CAMKK1: variants seen among roughly 807,000 people sequenced by gnomAD.
The protein encoded by CAMKK1 is calcium/calmodulin dependent protein kinase kinase 1.
A neutral mutation model predicts 63.5 loss-of-function variants in CAMKK1; 20 were observed. That is an observed-to-expected ratio of 0.32 (90% confidence interval 0.22 to 0.46). The LOEUF (loss-of-function observed/expected upper bound fraction) is 0.46. Among genes scored for constraint, CAMKK1 ranks in the 20% least tolerant of loss-of-function variants. The probability of loss-of-function intolerance (pLI) is 1.00; values close to 1 mark genes in which losing one functional copy is unlikely to be tolerated. For synonymous variants in CAMKK1, 253 were observed against 269.0 expected, an observed-to-expected ratio of 0.94 and a Z score of 0.58; for missense variants, 588 against 658.1, an observed-to-expected ratio of 0.89 and a Z score of 1.17.
At chr17:3,886,122 C>T (rs1022757036) in intron 1 of CAMKK1, among the ~76,000 whole-genome samples, 4 of 152,224 alleles carry the variant, frequency 2.6e-5, no homozygotes, top group African/African-American at 9.6e-5. Context: ...TCATGAGTCC[C>T]AACCCTTGAC....
chr17:3,876,065 G>T (rs2055136442), intron 10 of CAMKK1, among the ~76,000 whole-genome samples, 158 bp downstream of exon 10: 1 of 152,178 alleles, frequency 6.6e-6, no homozygotes, highest in Non-Finnish European at 1.5e-5. Flanking sequence ...ACAGGAGAAG[G>T]CCAAAGTTGT....
In CAMKK1 at chr17:3,869,642, G is replaced by C. The variant is rs116805406; in HGVS notation, c.1213-27C>G. 5,596 of 1,613,924 alleles carry C rather than the reference G, an allele frequency of 3.5e-3. 153 individuals are homozygous for C. The African/African-American group carries it at 0.066, about 19-fold the overall frequency. ...TGTCGGGGCCGGGAGGGCAGGGAGA[G>C]GGGGAGAGGTCAGGCCATTACCAGA... On this transcript the variant is annotated intron_variant, in intron 13 of 15. Transcript: ENST00000348335.
In CAMKK1 at chr17:3,862,533, C is replaced by T. The variant is rs1036150569; in HGVS notation, c.1446-250G>A. Among the ~76,000 whole-genome samples the T allele has an allele frequency of 6.6e-6, 1 of 152,158 alleles. No homozygotes were observed. The highest frequency in any genetic ancestry group is 2.4e-5 in the African/African-American group (1 of 41,438). On this transcript the variant is annotated intron_variant, in intron 15 of 15. Transcript: ENST00000348335. The surrounding 1 kb of genome is among the most constrained non-coding windows in gnomAD (Gnocchi z 4.1). ...TTGACCAGAGATGAAGTCTAAACCT[C>T]CCAGCACGGCCTCTGGAGCTGCTCA...
chr17:3,884,716 T>G lies in CAMKK1; in HGVS notation c.361-289A>C, dbSNP rs569614780. 3.5e-4 allele frequency among the ~76,000 whole-genome samples: 53 copies of G among 151,998 alleles called. No homozygotes were observed. The highest frequency in any genetic ancestry group is 1.3e-3 in the African/African-American group (53 of 41,428). ...GCTAATTCCTGTCTGGATTCTGGAGTCTGGAAGACCCTAATCCATGAGAAA... is the reference window on the plus strand; with the variant it reads ...GCTAATTCCTGTCTGGATTCTGGAGGCTGGAAGACCCTAATCCATGAGAAA... On this transcript the variant is annotated intron_variant, in intron 2 of 15. Coordinates refer to ENST00000348335, the MANE Select transcript of CAMKK1 (RefSeq NM_032294.3). The surrounding 1 kb of genome is among the most constrained non-coding windows in gnomAD (Gnocchi z 4.5).
chr17:3,874,815 TAA>T (rs1467333843), intron 10 of CAMKK1, among the ~76,000 whole-genome samples: 8 of 151,766 alleles, frequency 5.3e-5, no homozygotes, highest in Admixed American at 5.3e-4. Flanking sequence ...GACCGATATA[TAA>T]GTCTTATCAA....
chr17:3,870,182 C>T (rs1241372794), intron 12 of CAMKK1, among the ~76,000 whole-genome samples: 2 of 152,062 alleles, frequency 1.3e-5, no homozygotes, highest in African/African-American at 2.4e-5. Flanking sequence ...CTCACCACCT[C>T]GTCCTTTTCT....
rs759266418 is a variant in CAMKK1 at position 3,869,571 on chromosome 17, C to T, written c.1257G>A (p.Ser419=). 1.4e-5 allele frequency: 22 copies of T among 1,614,090 alleles called. No individual in the cohort carries two copies. The highest frequency in any genetic ancestry group is 8.3e-5 in the Admixed American group (5 of 60,004). Residue 419 remains serine, a synonymous_variant, in exon 14 of 16, where the codon TCG becomes TCA. Transcript: ENST00000348335. ...CCACCACGCTGCAGTGCTCCTCCTC[C>T]GAAGGAAGGGGCTCCTCCCCGTTCT... ...VTKNGEEPLP[S]EEEHCSVVEV...
At chr17:3,870,966 C>T (rs559234157) in intron 12 of CAMKK1, among the ~76,000 whole-genome samples, 4 of 152,176 alleles carry the variant, frequency 2.6e-5, no homozygotes, top group African/African-American at 9.6e-5. Context: ...CCCAGACGAG[C>T]GGGTGGCAGA....
rs1180697620 is a variant in CAMKK1 at position 3,862,622 on chromosome 17, T to G, written c.1446-339A>C. On this transcript the variant is annotated intron_variant, in intron 15 of 15. Transcript: ENST00000348335. This position sits in a 1 kb window ranked among gnomAD's most constrained non-coding sequence, Gnocchi z 4.1. Reference sequence around the variant, plus strand: ...TCAGCCTAATCAAGGGCCTTCTCTCTGTGTGTGTGGTTTTGTTGTTGTTTT... The same window carrying G: ...TCAGCCTAATCAAGGGCCTTCTCTCGGTGTGTGTGGTTTTGTTGTTGTTTT... 6.6e-6 allele frequency among the ~76,000 whole-genome samples: 1 copy of G among 152,186 alleles called. No homozygotes were observed.
rs3048767 is a variant in CAMKK1 at position 3,891,109 on chromosome 17, T to TGGGG, written c.-44+1826_-44+1829dup. Among the ~76,000 whole-genome samples the TGGGG allele has an allele frequency of 4.5e-5, 6 of 133,390 alleles. No homozygotes were observed. The East Asian group carries it at 6.9e-4, about 15-fold the overall frequency. The allele number at this position is 133,390 out of a possible 152,430, so 87.5% of individuals were successfully genotyped here. ...AGTGGCCTCAGACTGGGGGCAAGGT[T>TGGGG]GGGGGGGGGGTCACAGGCTAGGGAG... On this transcript the variant is annotated intron_variant, in intron 1 of 15. Transcript: ENST00000348335.
In CAMKK1 at chr17:3,890,259, T is replaced by C. The variant is rs977345088; in HGVS notation, c.-44+2680A>G. Among the ~76,000 whole-genome samples the C allele has an allele frequency of 2.6e-5, 4 of 152,128 alleles. No homozygotes were observed. Among genetic ancestry groups the C allele is most frequent in the Non-Finnish European group, 5.9e-5 (4 of 68,012 alleles). On this transcript the variant is annotated intron_variant, in intron 1 of 15. Transcript: ENST00000348335. This position sits in a 1 kb window ranked among gnomAD's most constrained non-coding sequence, Gnocchi z 6.5. ...GGCCCAGGCGTCTGGTGCCAAGTCA[T>C]GCTTGACGACTCCTGCTGTGAGGAC...
At chr17:3,873,603 G>T in intron 10 of CAMKK1, 141 bp from the exon 11 acceptor site, 2 of 805,702 alleles carry the variant, frequency 2.5e-6, no homozygotes, top group Admixed American at 4.2e-5. Context: ...CGCGGTACTT[G>T]CCCGATGCTG....
Position 3,879,992 on chromosome 17 carries a change from A to G in CAMKK1, c.796+354T>C. The G allele has an allele frequency of 3.5e-6, 1 of 285,898 alleles. No individual in the cohort carries two copies. The highest frequency in any genetic ancestry group is 6.8e-6 in the Non-Finnish European group (1 of 147,556). The allele number at this position is 285,898 out of a possible 1,614,324, so 17.7% of individuals were successfully genotyped here. ...ATGCCCCGGCCCCATGCCAGGACAG[A>G]CTCTCCCCAGCAGCTGGACATAAAT... On this transcript the variant is annotated intron_variant, in intron 9 of 15. Coordinates refer to ENST00000348335, the MANE Select transcript of CAMKK1 (RefSeq NM_032294.3). This position sits in a 1 kb window ranked among gnomAD's most constrained non-coding sequence, Gnocchi z 4.5.
Position 3,885,407 on chromosome 17 carries a change from C to T in CAMKK1, c.281G>A (p.Gly94Glu), listed in dbSNP as rs1268972850. Residue 94 changes from glycine (G) to glutamate (E), a missense_variant, in exon 2 of 16, where the codon GGG becomes GAG. Gly to Glu is a moderately conservative substitution (Grantham distance 98). Around this residue, in one of 3 missense-constraint regions of CAMKK1, gnomAD observed 357 missense variants for 407.4 expected, o/e 0.88. Coordinates refer to ENST00000348335, the MANE Select transcript of CAMKK1 (RefSeq NM_032294.3). ...CCGGGGGGAGATGTGGCTGGCAGGC[C>T]CCGTGGCATAAGGCCCAGCCTGCGC... ...LEAQAGPYAT[G>E]PASHISPRAW... 6.2e-7 allele frequency: 1 copy of T among 1,611,912 alleles called. No homozygotes were observed. The highest frequency in any genetic ancestry group is 8.5e-7 in the Non-Finnish European group (1 of 1,179,584).
chr17:3,875,659 G>T (rs1305896088), intron 10 of CAMKK1, among the ~76,000 whole-genome samples: 1 of 152,110 alleles, frequency 6.6e-6, no homozygotes, highest in African/African-American at 2.4e-5. Flanking sequence ...GGGGTGGCTG[G>T]CACTCCATAG....
chr17:3,862,134 G>T lies in CAMKK1; in HGVS notation c.*77C>A. 2 of 1,239,726 alleles carry T rather than the reference G, an allele frequency of 1.6e-6. No individual in the cohort carries two copies. The highest frequency in any genetic ancestry group is 1.5e-5 in the African/African-American group (1 of 67,444). 76.8% of individuals were successfully genotyped at this position (1,239,726 alleles called of 1,614,324 possible). ...TCCCCAGCCCCCTGCCTGCGGGGGC[G>T]GCTGTTGCATGAGGGGTGGGCCTCT... On this transcript the variant is annotated 3_prime_UTR_variant, in exon 16 of 16. Coordinates refer to ENST00000348335, the MANE Select transcript of CAMKK1 (RefSeq NM_032294.3). The surrounding 1 kb of genome is among the most constrained non-coding windows in gnomAD (Gnocchi z 4.1).
chr17:3,886,936 T>C (rs2055679837), intron 1 of CAMKK1, among the ~76,000 whole-genome samples: 1 of 152,192 alleles, frequency 6.6e-6, no homozygotes, highest in Non-Finnish European at 1.5e-5. Flanking sequence ...AGTGAACTCC[T>C]GACCCTCCAT....
At chr17:3,867,293 C>T (rs1287574074) in intron 14 of CAMKK1, among the ~76,000 whole-genome samples, 1 of 152,206 alleles carries the variant, frequency 6.6e-6, no homozygotes, top group Non-Finnish European at 1.5e-5. Context: ...AGTCTGAAGG[C>T]TCTGGGGCAG....
In CAMKK1 at chr17:3,876,301, C is replaced by T. The variant is rs1320320989; in HGVS notation, c.918G>A (p.Gln306=). 1.9e-6 allele frequency: 3 copies of T among 1,614,246 alleles called. No homozygotes were observed. ...CTGGGGTTCCCGCCGTGCTGGACAG[C>T]TGAGCGTCGTTCCCCTCAAACTGGT... ...VSNQFEGNDA[Q]LSSTAGTPAF... is the part of the protein sequence containing the mutation. The change falls in exon 10 of 16, where the codon CAG becomes CAA. Residue 306 remains glutamine, a synonymous_variant. Transcript: ENST00000348335.
Sources: allele counts gnomAD v4.1 joint callset (sites outside exome capture counted in the v4.1 genomes callset), GRCh38; gene constraint gnomAD v4.1.1; regional missense constraint gnomAD v4.1.1; non-coding constraint Gnocchi (gnomAD v3.1); transcripts MANE v1.5; gene names NCBI Gene and HGNC (gene_info 2026-07-23, HGNC 2026-07-21).